The following PADI2 variants were observed in gnomAD, a reference collection of about 807,000 sequenced individuals.
PADI2 encodes the protein peptidyl arginine deiminase 2.
Under a neutral mutation model 81.1 loss-of-function variants are expected in PADI2, and 70 were observed. The observed-to-expected ratio is 0.86, with a 90% CI of 0.71 to 1.05. The LOEUF is 1.05. Ranked by LOEUF, PADI2 falls within the 50% of genes least tolerant of loss-of-function variation. The pLI, the probability that PADI2 is intolerant of heterozygous loss-of-function variation, is 0.00. For synonymous variants in PADI2, 338 were observed against 358.0 expected, an observed-to-expected ratio of 0.94 and a Z score of 0.63; for missense variants, 853 against 889.9, an observed-to-expected ratio of 0.96 and a Z score of 0.53.
At chr1:17,099,208 C>T (rs1225174671) in intron 3 of PADI2, among the ~76,000 whole-genome samples, 2 of 152,150 alleles carry the variant, frequency 1.3e-5, no homozygotes, top group East Asian at 1.9e-4. Flanking sequence ...CCTTACTAAG[C>T]AGCTTGAGAT....
chr1:17,099,373 G>A (rs188135366), intron 3 of PADI2, among the ~76,000 whole-genome samples: 121 of 152,174 alleles, frequency 8.0e-4, no homozygotes, highest in African/African-American at 2.8e-3. Flanking sequence ...CCTCAAATAG[G>A]GTGGGATTCT....
chr1:17,113,992 C>G (rs181422374), intron 1 of PADI2, among the ~76,000 whole-genome samples: 1 of 152,344 alleles, frequency 6.6e-6, no homozygotes, highest in African/African-American at 2.4e-5. Context: ...TTAGAACACT[C>G]CCAACCCCAG....
chr1:17,094,097 T>C (rs1930815035), intron 4 of PADI2, among the ~76,000 whole-genome samples: 1 of 152,170 alleles, frequency 6.6e-6, no homozygotes, highest in Non-Finnish European at 1.5e-5. Context: ...GTGCTCCGAA[T>C]GGGACCTGCA....
intron 3 of PADI2, among the ~76,000 whole-genome samples, chr1:17,102,783 C>T (rs1369753946): frequency 2.0e-5 from 3 of 150,906 alleles, no homozygotes; most frequent in African/African-American, 7.3e-5. Flanking sequence ...CAGGGAGTGC[C>T]TCTTCCTGCA....
At chr1:17,116,876 C>T (rs927076697) in intron 1 of PADI2, among the ~76,000 whole-genome samples, 1 of 152,188 alleles carries the variant, frequency 6.6e-6, no homozygotes, top group Non-Finnish European at 1.5e-5. Flanking sequence ...ACAGGTAACT[C>T]GAGTCACAAT....
At chr1:17,074,040 A>T (rs1306868054) in intron 13 of PADI2, among the ~76,000 whole-genome samples, 1 of 152,192 alleles carries the variant, frequency 6.6e-6, no homozygotes, top group Non-Finnish European at 1.5e-5. Flanking sequence ...TCTCTTTCTA[A>T]AATACAAGCT....
At chr1:17,082,726 AAC>A (rs2101583145) in intron 9 of PADI2, 74 bp from the exon 10 acceptor site, 1 of 851,422 alleles carries the variant, frequency 1.2e-6, no homozygotes, top group African/African-American at 1.7e-5. Flanking sequence ...AAACTCGAGA[AAC>A]ACAAGAGCAC....
intron 10 of PADI2, among the ~76,000 whole-genome samples, chr1:17,081,378 G>A (rs1474258671): frequency 6.6e-6 from 1 of 152,224 alleles, no homozygotes; most frequent in Non-Finnish European, 1.5e-5. Context: ...CTCGTGGAAG[G>A]TAATTGCTTG....
intron 6 of PADI2, among the ~76,000 whole-genome samples, chr1:17,086,969 C>T (rs1292270315): frequency 6.6e-6 from 1 of 152,156 alleles, no homozygotes; most frequent in East Asian, 1.9e-4. Context: ...CTCTCGTGAA[C>T]GGCTGATAGG....
intron 11 of PADI2, among the ~76,000 whole-genome samples, chr1:17,076,969 C>G (rs1389589520): frequency 6.6e-6 from 1 of 152,180 alleles, no homozygotes; most frequent in East Asian, 1.9e-4. Flanking sequence ...CAACAAATTC[C>G]TTTCTGATCT....
intron 11 of PADI2, among the ~76,000 whole-genome samples, chr1:17,077,124 T>A (rs978594114): frequency 6.6e-6 from 1 of 152,204 alleles, no homozygotes; most frequent in Non-Finnish European, 1.5e-5. Flanking sequence ...AATCTCCTGA[T>A]GGCTGCCTAC....
chr1:17,072,664 C>T (rs558468791), intron 13 of PADI2, among the ~76,000 whole-genome samples: 1 of 152,274 alleles, frequency 6.6e-6, no homozygotes, highest in Non-Finnish European at 1.5e-5. Context: ...GATAATGTTT[C>T]ACTCCTGAAC....
At chr1:17,092,959 A>G (rs1006603771) in intron 5 of PADI2, among the ~76,000 whole-genome samples, 2 of 151,512 alleles carry the variant, frequency 1.3e-5, no homozygotes, top group African/African-American at 4.8e-5. Context: ...AAAAAAAAAA[A>G]AAAAGAAAAA....
chr1:17,088,137 G>A (rs766629761), intron 6 of PADI2, among the ~76,000 whole-genome samples: 1 of 152,188 alleles, frequency 6.6e-6, no homozygotes, highest in Non-Finnish European at 1.5e-5. Flanking sequence ...GGGGTAGGGT[G>A]GGGAGGGCAG....
At chr1:17,069,721 G>A (rs1310826810) in intron 15 of PADI2, among the ~76,000 whole-genome samples, 8 of 151,918 alleles carry the variant, frequency 5.3e-5, no homozygotes, top group Non-Finnish European at 8.8e-5. Context: ...GTGTGCTCAT[G>A]TGTGTATATA....
Position 17,084,718 on chromosome 1 carries a change from A to G in PADI2, c.835-16T>C. 2 of 1,505,652 alleles carry G rather than the reference A, an allele frequency of 1.3e-6. No individual in the cohort carries two copies. Among genetic ancestry groups the G allele is most frequent in the South Asian group, 1.2e-5 (1 of 82,678 alleles). The allele number at this position is 1,505,652 out of a possible 1,614,324, so 93.3% of individuals were successfully genotyped here. On this transcript the variant is annotated splice_polypyrimidine_tract_variant and intron_variant, in intron 7 of 15. Coordinates refer to ENST00000375486, the MANE Select transcript of PADI2 (RefSeq NM_007365.3). ...GGGGAATGTCCTGGGTGTGGGAGAC[A>G]AGGCGTGGGGGATCAAAAGGTTTTG...
At chr1:17,088,180 A>G (rs1214058510) in intron 6 of PADI2, among the ~76,000 whole-genome samples, 1 of 152,056 alleles carries the variant, frequency 6.6e-6, no homozygotes, top group African/African-American at 2.4e-5. Context: ...TGAGCAGAGG[A>G]AGGCAGCCTT....
chr1:17,070,806 C>T (rs1383855707), intron 14 of PADI2, among the ~76,000 whole-genome samples: 2 of 152,016 alleles, frequency 1.3e-5, no homozygotes, highest in East Asian at 1.9e-4. Flanking sequence ...GGATTATAGG[C>T]GCCTGCCACC....
Position 17,104,867 on chromosome 1 carries a change from C to A in PADI2, c.276+11G>T. The A allele has an allele frequency of 6.4e-7, 1 of 1,554,530 alleles. No homozygotes were observed. The highest frequency in any genetic ancestry group is 1.4e-5 in the African/African-American group (1 of 74,008). On this transcript the variant is annotated intron_variant, in intron 2 of 15. Transcript: ENST00000375486. ...CCGGGCCCGCAGAGGCTGGACTTCC[C>A]GCCGTGGTACCTTGTCACTGCTGGC...
Sources: allele counts gnomAD v4.1 joint callset (sites outside exome capture counted in the v4.1 genomes callset), GRCh38; gene constraint gnomAD v4.1.1; transcripts MANE v1.5; gene names NCBI Gene and HGNC (gene_info 2026-07-23, HGNC 2026-07-21).